The following PHACTR1 variants were observed in gnomAD, a reference collection of about 807,000 sequenced individuals.
PHACTR1 encodes the protein phosphatase and actin regulator 1, also known as RPEL repeat containing 1.
Under a neutral mutation model 69.2 loss-of-function variants are expected in PHACTR1, and 16 were observed. The observed-to-expected ratio is 0.23, with a 90% CI of 0.16 to 0.35. The LOEUF is 0.35. Ranked by LOEUF, PHACTR1 falls within the 10% of genes least tolerant of loss-of-function variation. The probability of loss-of-function intolerance (pLI) is 1.00; values close to 1 mark genes in which losing one functional copy is unlikely to be tolerated. For synonymous variants in PHACTR1, 312 were observed against 284.5 expected (o/e 1.10, Z -0.97); for missense variants, 510 against 734.7 (o/e 0.69, Z 3.54).
At chr6:12,875,950 C>A (rs79058495) in intron 4 of PHACTR1, among the ~76,000 whole-genome samples, 2 of 152,228 alleles carry the variant, frequency 1.3e-5, no homozygotes, top group East Asian at 3.9e-4. Flanking sequence ...CTTGGCCCAA[C>A]GTTATAATAA....
intron 4 of PHACTR1, among the ~76,000 whole-genome samples, chr6:12,852,855 A>C (rs962085955): frequency 8.3e-4 from 127 of 152,204 alleles, no homozygotes; most frequent in African/African-American, 2.9e-3. Flanking sequence ...TTTAGGATAC[A>C]AACTCCTTAT....
chr6:12,882,902 C>T (rs547196473), intron 4 of PHACTR1, among the ~76,000 whole-genome samples: 106 of 152,310 alleles, frequency 7.0e-4, no homozygotes, highest in South Asian at 4.6e-3. Flanking sequence ...AGATATAACA[C>T]GACAGCTTTA....
chr6:13,286,210 G>A lies in PHACTR1; in HGVS notation c.1715G>A (p.Arg572Lys). 1 of 1,601,768 alleles carries A rather than the reference G, an allele frequency of 6.2e-7. No individual in the cohort carries two copies. Among genetic ancestry groups the A allele is most frequent in the South Asian group, 1.1e-5 (1 of 87,482 alleles). The change falls in exon 14 of 15, where the codon AGA becomes AAA. Residue 572 changes from arginine (R) to lysine (K), a missense_variant. Around this residue, in one of 2 missense-constraint regions of PHACTR1, gnomAD observed 91 missense variants for 203.8 expected, o/e 0.45. Coordinates refer to ENST00000332995, the MANE Select transcript of PHACTR1 (RefSeq NM_030948.6). Reference protein sequence around the residue: ...STEMEVHELSRHLTRFHRP With the variant: ...STEMEVHELSKHLTRFHRP ...GAGATGGAAGTTCATGAATTGAGTA[G>A]ACACTTAACAAGGTTAGTATTAAGG...
rs542898559 is a variant in PHACTR1 at position 12,972,985 on chromosome 6, C to T, written c.251-80380C>T. 7.2e-5 allele frequency among the ~76,000 whole-genome samples: 11 copies of T among 152,292 alleles called. No individual in the cohort carries two copies. The East Asian group carries it at 2.1e-3, about 29-fold the overall frequency. On this transcript the variant is annotated intron_variant, in intron 4 of 14. Transcript: ENST00000332995. ...CTAACTTCTGCTTCTGCCCTCACAACTCCTTTCTCTCTGACTTTGGGCCTC... is the reference window on the plus strand; with the variant it reads ...CTAACTTCTGCTTCTGCCCTCACAATTCCTTTCTCTCTGACTTTGGGCCTC...
chr6:13,077,208 T>G (rs949775823), intron 5 of PHACTR1, among the ~76,000 whole-genome samples: 1 of 151,408 alleles, frequency 6.6e-6, no homozygotes, highest in Non-Finnish European at 1.5e-5. Flanking sequence ...CATGCTTATG[T>G]GTCTAAGTGT....
chr6:13,035,618 T>A (rs976627289), intron 4 of PHACTR1, among the ~76,000 whole-genome samples: 1 of 152,226 alleles, frequency 6.6e-6, no homozygotes, highest in Non-Finnish European at 1.5e-5. Context: ...TGCTGGGCAC[T>A]TAACCATGTC....
chr6:12,870,961 C>T (rs1047531223), intron 4 of PHACTR1, among the ~76,000 whole-genome samples: 6 of 152,182 alleles, frequency 3.9e-5, no homozygotes, highest in African/African-American at 1.4e-4. Flanking sequence ...AAATGACTGT[C>T]TTGAGACTAA....
intron 12 of PHACTR1, among the ~76,000 whole-genome samples, chr6:13,282,417 G>A (rs987833610): frequency 6.6e-6 from 1 of 152,150 alleles, no homozygotes; most frequent in African/African-American, 2.4e-5. Context: ...AAATACATAC[G>A]AATCTTCCTT....
chr6:12,717,401 C>G (rs1761524520), intron 1 of PHACTR1, 108 bp from the exon 2 acceptor site: 1 of 151,542 alleles, frequency 6.6e-6, no homozygotes, highest in Non-Finnish European at 1.5e-5. Context: ...ACTTCTCTGC[C>G]TAAGAGATAG....
intron 4 of PHACTR1, among the ~76,000 whole-genome samples, chr6:12,810,626 G>A (rs1253328063): frequency 1.3e-5 from 2 of 152,178 alleles, no homozygotes; most frequent in Non-Finnish European, 2.9e-5. Context: ...TGACAACAAA[G>A]GCTCATGTTC....
chr6:12,885,865 C>T (rs192209209), intron 4 of PHACTR1, among the ~76,000 whole-genome samples: 2 of 152,166 alleles, frequency 1.3e-5, no homozygotes, highest in African/African-American at 2.4e-5. Context: ...GAGGCCGAGG[C>T]GGGCGTATCA....
rs190192582 is a variant in PHACTR1, at chr6:12,754,709, T to G, written c.250+4919T>G. On this transcript the variant is annotated intron_variant, in intron 4 of 14. Transcript: ENST00000332995. ...CTTCGGCATTCATGGGTTCCACATC[T>G]GTGGATTCAACCAACCAGGGATGGG... is the stretch of plus-strand genomic sequence containing the variant. 2.0e-5 allele frequency among the ~76,000 whole-genome samples: 3 copies of G among 152,360 alleles called. No individual in the cohort carries two copies. In the East Asian group the frequency reaches 5.8e-4, roughly 29 times the overall value.
chr6:13,158,090 C>G (rs1392801974), intron 5 of PHACTR1, among the ~76,000 whole-genome samples: 5 of 152,090 alleles, frequency 3.3e-5, no homozygotes, highest in African/African-American at 9.7e-5. Context: ...CCATGTTGAC[C>G]AGGCTGGTCT....
chr6:13,125,797 G>A (rs9463459), intron 5 of PHACTR1, among the ~76,000 whole-genome samples: 5,927 of 152,076 alleles, frequency 0.039, 361 homozygotes, highest in African/African-American at 0.13. Context: ...AGACTTGGTG[G>A]TGCACACCTA....
intron 10 of PHACTR1, among the ~76,000 whole-genome samples, chr6:13,251,218 G>A (rs373088729): frequency 1.4e-4 from 22 of 152,320 alleles, no homozygotes; most frequent in African/African-American, 2.9e-4. Context: ...GAGACACATC[G>A]GGTGGGATGC....
At chr6:13,204,507 A>G (rs941083207) in intron 7 of PHACTR1, among the ~76,000 whole-genome samples, 2 of 152,188 alleles carry the variant, frequency 1.3e-5, no homozygotes, top group Non-Finnish European at 2.9e-5. Context: ...AATGTGGGGT[A>G]TGGCAGCAGG....
intron 4 of PHACTR1, among the ~76,000 whole-genome samples, chr6:13,044,704 C>G (rs1029396157): frequency 5.9e-5 from 9 of 152,194 alleles, no homozygotes; most frequent in Admixed American, 5.2e-4. Flanking sequence ...GTGGTAGATT[C>G]CGGATCTGGA....
intron 4 of PHACTR1, among the ~76,000 whole-genome samples, chr6:12,769,072 G>T (rs1185803579): frequency 6.6e-6 from 1 of 152,166 alleles, no homozygotes; most frequent in Non-Finnish European, 1.5e-5. Context: ...GCATGGATGA[G>T]ATGAGGATTG....
At chr6:13,189,103 C>T (rs7747808) in intron 7 of PHACTR1, among the ~76,000 whole-genome samples, 3,361 of 152,282 alleles carry the variant, frequency 0.022, 116 homozygotes, top group African/African-American at 0.073. Flanking sequence ...CAGGTGCCCC[C>T]GGCATGCCAG....
Sources: gnomAD v4.1 joint callset for allele counts (sites outside exome capture counted in the v4.1 genomes callset) on GRCh38, gnomAD v4.1.1 for gene constraint, gnomAD v4.1.1 regional missense constraint, MANE v1.5 for transcripts, NCBI Gene and HGNC (gene_info 2026-07-23, HGNC 2026-07-21) for gene names.